SKIC3: variants seen among roughly 807,000 people sequenced by gnomAD.
The protein encoded by SKIC3 is SKI3 subunit of superkiller complex, also known as superkiller complex protein 3.
the SKIC3 span, chr5:95,529,324 C>T: frequency 6.8e-6 from 4 of 585,132 alleles, no homozygotes; most frequent in African/African-American, 3.7e-5. Context: ...CAAATCACTA[C>T]AAGTGCTTGC....
chr5:95,495,565 A>G, the SKIC3 span: 1 of 153,450 alleles, frequency 6.5e-6, no homozygotes, highest in Non-Finnish European at 1.5e-5. Context: ...TGTTGAGATT[A>G]TAAAAATGCT....
At chr5:95,512,206 T>C in the SKIC3 span, among the ~76,000 whole-genome samples, 1 of 152,152 alleles carries the variant, frequency 6.6e-6, no homozygotes, top group Non-Finnish European at 1.5e-5. Context: ...GTGTATAGTG[T>C]ATAGTGGAGA....
At chr5:95,527,090 C>T in the SKIC3 span, among the ~76,000 whole-genome samples, 9 of 152,256 alleles carry the variant, frequency 5.9e-5, no homozygotes, top group South Asian at 1.0e-3. Context: ...ACATTAGTAA[C>T]GCCCTTTTTA....
the SKIC3 span, among the ~76,000 whole-genome samples, chr5:95,468,998 T>C: frequency 7.2e-5 from 11 of 152,224 alleles, no homozygotes; most frequent in African/African-American, 1.4e-4. Flanking sequence ...ATCAGCCATA[T>C]GGTCTTAATC....
At chr5:95,517,455 A>C in the SKIC3 span, 1 of 984,170 alleles carries the variant, frequency 1.0e-6, no homozygotes, top group Non-Finnish European at 1.5e-6. Flanking sequence ...GAATCATATC[A>C]TATCACCTCC....
chr5:95,545,143 C>G, the SKIC3 span, among the ~76,000 whole-genome samples: 2 of 152,132 alleles, frequency 1.3e-5, no homozygotes, highest in African/African-American at 2.4e-5. Flanking sequence ...AGGAAGAAGA[C>G]AGCTATGGTG....
the SKIC3 span, among the ~76,000 whole-genome samples, chr5:95,540,051 T>C: frequency 6.6e-6 from 1 of 151,998 alleles, no homozygotes; most frequent in African/African-American, 2.4e-5. Flanking sequence ...GTGATATATA[T>C]ACATATAGAT....
chr5:95,514,928 G>GA, the SKIC3 span: 3 of 1,611,248 alleles, frequency 1.9e-6, no homozygotes, highest in Non-Finnish European at 2.5e-6. Context: ...AGCTTGCTAG[G>GA]AAAAAAAGGC....
chr5:95,519,128 A>G, the SKIC3 span, among the ~76,000 whole-genome samples: 1 of 151,998 alleles, frequency 6.6e-6, no homozygotes, highest in African/African-American at 2.4e-5. Flanking sequence ...CTGAAGAACT[A>G]CATTTACCGA....
chr5:95,498,301 A>G, the SKIC3 span: 5 of 1,489,852 alleles, frequency 3.4e-6, no homozygotes, highest in East Asian at 4.5e-5. Context: ...TAGTATTAAT[A>G]AAGTCCCAAT....
the SKIC3 span, among the ~76,000 whole-genome samples, chr5:95,545,160 T>G: frequency 6.6e-6 from 1 of 152,172 alleles, no homozygotes. Context: ...GGTGGTGCTG[T>G]ATATAACTGA....
chr5:95,546,507 C>A, the SKIC3 span, among the ~76,000 whole-genome samples: 4 of 152,204 alleles, frequency 2.6e-5, no homozygotes, highest in South Asian at 8.3e-4. Flanking sequence ...AATCTATAAG[C>A]CCAACACTGT....
At chr5:95,527,531 GT>G in the SKIC3 span, among the ~76,000 whole-genome samples, 19 of 152,184 alleles carry the variant, frequency 1.2e-4, 1 homozygote, top group African/African-American at 3.9e-4. Flanking sequence ...ACCAGTTATA[GT>G]TTTTTTCACT....
the SKIC3 span, chr5:95,529,473 T>C: frequency 6.2e-6 from 2 of 324,758 alleles, no homozygotes; most frequent in African/African-American, 4.3e-5. Flanking sequence ...TTACCAAGTC[T>C]TGCTAGGCCC....
the SKIC3 span, chr5:95,525,272 C>T: frequency 1.1e-6 from 1 of 896,670 alleles, no homozygotes; most frequent in African/African-American, 1.7e-5. Context: ...AATACTAAAA[C>T]TTAAAGCCTA....
the SKIC3 span, chr5:95,520,832 A>G: frequency 1.9e-6 from 3 of 1,557,558 alleles, no homozygotes; most frequent in Non-Finnish European, 2.7e-6. Context: ...AAATCAGGTA[A>G]GTTTGTCACT....
the SKIC3 span, among the ~76,000 whole-genome samples, chr5:95,504,953 C>T: frequency 1.3e-5 from 2 of 151,670 alleles, no homozygotes; most frequent in East Asian, 3.9e-4. Flanking sequence ...TGCAATGAGC[C>T]GAGATTGCAT....
chr5:95,525,017 GGGACTACA>G, the SKIC3 span, among the ~76,000 whole-genome samples: 1 of 152,232 alleles, frequency 6.6e-6, no homozygotes, highest in African/African-American at 2.4e-5. Flanking sequence ...CTGAGAAGCA[GGGACTACA>G]GGCATGTGCC....
At chr5:95,515,164 G>C in the SKIC3 span, 7 of 427,304 alleles carry the variant, frequency 1.6e-5, no homozygotes, top group African/African-American at 1.0e-4. Context: ...AGCAAAAAAG[G>C]GTTCTACCTT....
Sources: allele counts gnomAD v4.1 joint callset (sites outside exome capture counted in the v4.1 genomes callset), GRCh38; gene constraint gnomAD v4.1.1; transcripts MANE v1.5; gene names NCBI Gene and HGNC (gene_info 2026-07-23, HGNC 2026-07-21).